The following KCND2 variants were observed in gnomAD, a reference collection of about 807,000 sequenced individuals.
KCND2 encodes potassium voltage-gated channel subfamily D member 2.
Under a neutral mutation model 54.4 loss-of-function variants are expected in KCND2, and 16 were observed. That is an observed-to-expected ratio of 0.29 (90% CI 0.20 to 0.45). KCND2 has a LOEUF of 0.45. Among genes scored for constraint, KCND2 ranks in the 20% least tolerant of loss-of-function variants. The pLI is 1.00. For missense variants in KCND2, 486 were observed against 824.2 expected, an observed-to-expected ratio of 0.59 and a Z score of 5.02; for synonymous variants, 317 against 310.7, an observed-to-expected ratio of 1.02 and a Z score of -0.21.
chr7:120,639,398 G>T (rs947099292), intron 1 of KCND2, among the ~76,000 whole-genome samples: 1 of 152,064 alleles, frequency 6.6e-6, no homozygotes, highest in Non-Finnish European at 1.5e-5. Flanking sequence ...TGAATAAAAT[G>T]GTTTCCTCCA....
At chr7:120,409,199 G>C (rs1469637702) in intron 1 of KCND2, among the ~76,000 whole-genome samples, 3 of 151,934 alleles carry the variant, frequency 2.0e-5, no homozygotes, top group Non-Finnish European at 4.4e-5. Context: ...TGGCTTTATA[G>C]CATCATCCCT....
intron 1 of KCND2, among the ~76,000 whole-genome samples, chr7:120,434,823 A>G (rs1457890324): frequency 6.6e-6 from 1 of 152,142 alleles, no homozygotes; most frequent in Non-Finnish European, 1.5e-5. Context: ...TAGAGGAAAA[A>G]AAAAAATAGA....
At chr7:120,608,713 A>T (rs1319950756) in intron 1 of KCND2, among the ~76,000 whole-genome samples, 4 of 152,128 alleles carry the variant, frequency 2.6e-5, no homozygotes, top group Non-Finnish European at 5.9e-5. Context: ...ACAGTATAGT[A>T]ATCATTGACA....
rs181687137 is a variant in KCND2, at chr7:120,715,548, T to C, written c.1116-17355T>C. On this transcript the variant is annotated intron_variant, in intron 1 of 5. Transcript: ENST00000331113. ...ACACAGCTAAAACAAAATCATTACA[T>C]TTATTTTCAAAGTCATTATGTTAGG... is the stretch of plus-strand genomic sequence containing the variant. 3.6e-3 allele frequency among the ~76,000 whole-genome samples: 542 copies of C among 152,186 alleles called. 3 individuals carry two copies. The highest frequency in any genetic ancestry group is 0.012 in the African/African-American group (514 of 41,546).
chr7:120,445,064 C>CTG (rs1276266717), intron 1 of KCND2, among the ~76,000 whole-genome samples: 1 of 152,030 alleles, frequency 6.6e-6, no homozygotes, highest in African/African-American at 2.4e-5. Flanking sequence ...ACACATGGTA[C>CTG]TTACAGTAAA....
intron 1 of KCND2, among the ~76,000 whole-genome samples, chr7:120,605,150 A>G (rs1222824616): frequency 2.6e-5 from 4 of 152,218 alleles, no homozygotes; most frequent in East Asian, 1.9e-4. Context: ...TTGCACAACC[A>G]TGACCACTGT....
At chr7:120,457,129 A>G (rs2116230311) in intron 1 of KCND2, among the ~76,000 whole-genome samples, 1 of 152,266 alleles carries the variant, frequency 6.6e-6, no homozygotes, top group African/African-American at 2.4e-5. Flanking sequence ...AAGGCTGCAC[A>G]CATTAGGGGA....
At chr7:120,684,082 G>A (rs1792172055) in intron 1 of KCND2, among the ~76,000 whole-genome samples, 1 of 152,040 alleles carries the variant, frequency 6.6e-6, no homozygotes, top group Non-Finnish European at 1.5e-5. Flanking sequence ...TAAGAAAATG[G>A]AGTACTTCAT....
intron 1 of KCND2, among the ~76,000 whole-genome samples, chr7:120,449,717 A>C (rs1418448907): frequency 6.6e-6 from 1 of 152,234 alleles, no homozygotes; most frequent in Non-Finnish European, 1.5e-5. Context: ...GAAGATCAGA[A>C]AGTCCTTAGT....
chr7:120,534,992 G>A (rs1791887212), intron 1 of KCND2, among the ~76,000 whole-genome samples: 1 of 152,122 alleles, frequency 6.6e-6, no homozygotes, highest in Non-Finnish European at 1.5e-5. Context: ...TGTTTTTTAT[G>A]TATAGTCTTT....
chr7:120,650,048 A>T (rs1262963006), intron 1 of KCND2, among the ~76,000 whole-genome samples: 1 of 151,286 alleles, frequency 6.6e-6, no homozygotes, highest in Non-Finnish European at 1.5e-5. Flanking sequence ...TGCCCTTAAC[A>T]TTTTTTCCTT....
intron 1 of KCND2, among the ~76,000 whole-genome samples, chr7:120,387,960 C>G (rs1273304269): frequency 2.6e-5 from 4 of 151,968 alleles, no homozygotes; most frequent in Non-Finnish European, 4.4e-5. Flanking sequence ...GGGCAAAACT[C>G]TGATACAATT....
intron 1 of KCND2, among the ~76,000 whole-genome samples, chr7:120,489,873 A>G (rs1404977559): frequency 2.6e-5 from 4 of 152,146 alleles, no homozygotes; most frequent in Non-Finnish European, 5.9e-5. Context: ...TAATTCTAGC[A>G]TAAATAGAGA....
intron 1 of KCND2, among the ~76,000 whole-genome samples, chr7:120,300,623 C>T (rs1047611355): frequency 6.6e-6 from 1 of 151,926 alleles, no homozygotes; most frequent in African/African-American, 2.4e-5. Flanking sequence ...ATTTTTATAG[C>T]GATTGATGCA....
At chr7:120,610,274 G>A (rs959342357) in intron 1 of KCND2, among the ~76,000 whole-genome samples, 3 of 152,066 alleles carry the variant, frequency 2.0e-5, no homozygotes, top group African/African-American at 7.2e-5. Context: ...ACAGAACCAT[G>A]ACTGAAACAT....
At chr7:120,282,394 G>T (rs1799279650) in intron 1 of KCND2, among the ~76,000 whole-genome samples, 1 of 152,122 alleles carries the variant, frequency 6.6e-6, no homozygotes, top group Non-Finnish European at 1.5e-5. Flanking sequence ...GTCAGGAAAA[G>T]CTCAATGTAA....
At chr7:120,693,075 T>C (rs1188829776) in intron 1 of KCND2, among the ~76,000 whole-genome samples, 2 of 152,168 alleles carry the variant, frequency 1.3e-5, no homozygotes, top group African/African-American at 4.8e-5. Context: ...ATTATTTAGG[T>C]TGTGATGTCC....
At chr7:120,486,680 G>A (rs1032916936) in intron 1 of KCND2, among the ~76,000 whole-genome samples, 1 of 151,076 alleles carries the variant, frequency 6.6e-6, no homozygotes, top group African/African-American at 2.4e-5. Flanking sequence ...TGGTTGACTT[G>A]TTTATTGTCT....
intron 1 of KCND2, among the ~76,000 whole-genome samples, chr7:120,707,740 C>A (rs1008408363): frequency 2.0e-5 from 3 of 151,870 alleles, no homozygotes; most frequent in African/African-American, 7.3e-5. Flanking sequence ...ACAAGCAAGG[C>A]TGAAGTAGAG....
Sources: gnomAD v4.1 joint callset for allele counts (sites outside exome capture counted in the v4.1 genomes callset) on GRCh38, gnomAD v4.1.1 for gene constraint, MANE v1.5 for transcripts, NCBI Gene and HGNC (gene_info 2026-07-23, HGNC 2026-07-21) for gene names.